DACH1: variants seen among roughly 807,000 people sequenced by gnomAD.
DACH1 encodes the protein dachshund family transcription factor 1.
In DACH1, 12 loss-of-function variants were observed where a neutral mutation model predicts 54.2. The ratio of observed to expected loss-of-function variants is 0.22; its 90% confidence interval spans 0.14 to 0.36. The LOEUF (loss-of-function observed/expected upper bound fraction) is 0.36, where lower values mean the gene tolerates loss of function less well. Among genes scored for constraint, DACH1 ranks in the 10% least tolerant of loss-of-function variants. DACH1 has a pLI of 1.00. For synonymous variants in DACH1, 386 were observed against 366.2 expected (o/e 1.05, Z -0.62); for missense variants, 805 against 929.8 (o/e 0.87, Z 1.75).
chr13:71,633,601 GAC>G (rs76720343), intron 2 of DACH1, among the ~76,000 whole-genome samples: 69 of 149,284 alleles, frequency 4.6e-4, no homozygotes, highest in East Asian at 5.9e-4. Context: ...GTGTGTCACT[GAC>G]ACACACACAC....
intron 1 of DACH1, among the ~76,000 whole-genome samples, chr13:71,735,906 C>T (rs17802482): frequency 0.043 from 6,483 of 152,018 alleles, 208 homozygotes; most frequent in Non-Finnish European, 0.062. Context: ...TTGTGGCAGT[C>T]GGTAAAATCA....
At chr13:71,701,973 A>G (rs541084370) in intron 1 of DACH1, among the ~76,000 whole-genome samples, 7 of 152,256 alleles carry the variant, frequency 4.6e-5, no homozygotes, top group African/African-American at 1.7e-4. Flanking sequence ...CTGCGTGTGC[A>G]TGGGAAAGCT....
chr13:71,592,494 C>CAAAAAAAAAAAAAAAAAAA (rs575364116), intron 3 of DACH1, among the ~76,000 whole-genome samples: 20 of 32,756 alleles, frequency 6.1e-4, no homozygotes, highest in East Asian at 8.0e-4. Context: ...GACTCTATCT[C>CAAAAAAAAAAAAAAAAAAA]AAAAAAAAAA....
At chr13:71,615,379 G>A (rs1163035258) in intron 3 of DACH1, among the ~76,000 whole-genome samples, 1 of 152,118 alleles carries the variant, frequency 6.6e-6, no homozygotes, top group East Asian at 1.9e-4. Context: ...CTTATTAAGG[G>A]CTAATTAAAG....
At chr13:71,790,488 A>G (rs964535978) in intron 1 of DACH1, among the ~76,000 whole-genome samples, 4 of 152,136 alleles carry the variant, frequency 2.6e-5, no homozygotes, top group African/African-American at 9.7e-5. Flanking sequence ...TAATGCAGGG[A>G]TGTGGAGGTT....
At chr13:71,548,507 G>A (rs985807744) in intron 6 of DACH1, among the ~76,000 whole-genome samples, 1 of 152,100 alleles carries the variant, frequency 6.6e-6, no homozygotes, top group Non-Finnish European at 1.5e-5. Context: ...GAAAACAAGT[G>A]TTTTATAGTT....
At chr13:71,614,747 T>G (rs1875622888) in intron 3 of DACH1, among the ~76,000 whole-genome samples, 1 of 150,698 alleles carries the variant, frequency 6.6e-6, no homozygotes, top group Non-Finnish European at 1.5e-5. Context: ...CCAGCTACTC[T>G]GGAGGCTAAG....
chr13:71,779,882 T>C (rs1212771680), intron 1 of DACH1, among the ~76,000 whole-genome samples: 1 of 152,126 alleles, frequency 6.6e-6, no homozygotes, highest in Non-Finnish European at 1.5e-5. Flanking sequence ...TATGCAGACT[T>C]ATTTCTCTTT....
At chr13:71,516,597 T>G (rs1881178062) in intron 6 of DACH1, among the ~76,000 whole-genome samples, 1 of 151,930 alleles carries the variant, frequency 6.6e-6, no homozygotes, top group Admixed American at 6.6e-5. Context: ...GTATTTATTT[T>G]TCATTACATG....
At chr13:71,461,330 C>A (rs1176252855) in intron 10 of DACH1, among the ~76,000 whole-genome samples, 1 of 151,996 alleles carries the variant, frequency 6.6e-6, no homozygotes, top group Non-Finnish European at 1.5e-5. Context: ...TCATCGCATT[C>A]ATTCAAAAGA....
chr13:71,446,096 G>A (rs747034926), intron 10 of DACH1, among the ~76,000 whole-genome samples: 30 of 152,092 alleles, frequency 2.0e-4, no homozygotes, highest in Non-Finnish European at 3.4e-4. Flanking sequence ...CCTGGAGTGC[G>A]TCCATAGCTG....
intron 6 of DACH1, among the ~76,000 whole-genome samples, chr13:71,519,562 T>G (rs1047782349): frequency 6.6e-6 from 1 of 151,604 alleles, no homozygotes; most frequent in Non-Finnish European, 1.5e-5. Context: ...AATGTCACAA[T>G]TTAATAGCAT....
chr13:71,711,920 C>T (rs932205011), intron 1 of DACH1, among the ~76,000 whole-genome samples: 1 of 152,068 alleles, frequency 6.6e-6, no homozygotes, highest in Non-Finnish European at 1.5e-5. Context: ...CAGTTCTATG[C>T]TTGACACAGG....
intron 6 of DACH1, among the ~76,000 whole-genome samples, chr13:71,538,188 C>A (rs1368963210): frequency 2.6e-5 from 4 of 151,880 alleles, no homozygotes; most frequent in African/African-American, 7.3e-5. Flanking sequence ...AAAATGGAAC[C>A]GATTCAAATA....
At chr13:71,697,144 T>G (rs1394151294) in intron 1 of DACH1, among the ~76,000 whole-genome samples, 4 of 152,192 alleles carry the variant, frequency 2.6e-5, no homozygotes, top group African/African-American at 9.6e-5. Context: ...CTTGCATATT[T>G]CATGAGGGCA....
intron 2 of DACH1, among the ~76,000 whole-genome samples, chr13:71,640,714 C>T (rs1246929046): frequency 6.6e-6 from 1 of 152,046 alleles, no homozygotes; most frequent in African/African-American, 2.4e-5. Context: ...TGACTCCACG[C>T]AGGTAGCTCT....
At chr13:71,590,604 A>C (rs1389333455) in intron 3 of DACH1, among the ~76,000 whole-genome samples, 1 of 152,176 alleles carries the variant, frequency 6.6e-6, no homozygotes, top group Non-Finnish European at 1.5e-5. Flanking sequence ...CCTTACACAG[A>C]GATGTCCCTT....
chr13:71,761,340 T>G (rs1885391590), intron 1 of DACH1, among the ~76,000 whole-genome samples: 1 of 152,200 alleles, frequency 6.6e-6, no homozygotes, highest in Admixed American at 6.5e-5. Context: ...ACCATTTTGC[T>G]TGTACTTATA....
intron 3 of DACH1, 47 bp from the exon 4 acceptor site, chr13:71,573,059 C>A: frequency 6.5e-7 from 1 of 1,540,972 alleles, no homozygotes; most frequent in Non-Finnish European, 8.8e-7. Context: ...GGACATAAAT[C>A]ATTAAAAATT....
Sources: allele counts gnomAD v4.1 joint callset (sites outside exome capture counted in the v4.1 genomes callset), GRCh38; gene constraint gnomAD v4.1.1; transcripts MANE v1.5; gene names NCBI Gene and HGNC (gene_info 2026-07-23, HGNC 2026-07-21).